The following OTOA variants were observed in gnomAD, a reference collection of about 807,000 sequenced individuals.
The protein encoded by OTOA is cancer/testis antigen 108.
In OTOA, 70 loss-of-function variants were observed where a neutral mutation model predicts 110.8. The observed-to-expected ratio is 0.63, with a 90% CI of 0.52 to 0.77. OTOA has a LOEUF of 0.77. Ranked by LOEUF, OTOA falls within the 30% of genes least tolerant of loss-of-function variation. OTOA has a pLI of 0.00. For synonymous variants in OTOA, 373 were observed against 431.5 expected (o/e 0.86, Z 1.68); for missense variants, 917 against 1,075.8 (o/e 0.85, Z 2.06).
intron 8 of OTOA, among the ~76,000 whole-genome samples, chr16:21,687,939 C>T (rs1707732815): frequency 6.6e-6 from 1 of 151,774 alleles, no homozygotes; most frequent in Admixed American, 6.6e-5. Context: ...GCTTGGATTA[C>T]GGGCATGAGC....
At chr16:21,723,973 G>A (rs181865027) in intron 18 of OTOA, among the ~76,000 whole-genome samples, 1 of 152,238 alleles carries the variant, frequency 6.6e-6, no homozygotes, top group Admixed American at 6.5e-5. Context: ...GGGTAACTTT[G>A]ACTGACTTCA....
chr16:21,728,572 T>C (rs1251789967), intron 20 of OTOA, 141 bp downstream of exon 20: 1 of 1,103,614 alleles, frequency 9.1e-7, no homozygotes, highest in African/African-American at 1.6e-5. Flanking sequence ...AAATGTGACC[T>C]TTCTTCTTTT....
At chr16:21,758,327 C>T (rs958153168) in intron 28 of OTOA, among the ~76,000 whole-genome samples, 15 of 150,168 alleles carry the variant, frequency 1.0e-4, no homozygotes, top group African/African-American at 2.7e-4. Flanking sequence ...TGCAGCCTGG[C>T]GGGGAGGGAA....
intron 17 of OTOA, among the ~76,000 whole-genome samples, chr16:21,722,289 T>C (rs1898778083): frequency 6.7e-6 from 1 of 148,886 alleles, no homozygotes; most frequent in Admixed American, 6.7e-5. Flanking sequence ...AAAACACAAG[T>C]GAGCTCATAC....
chr16:21,723,532 T>A (rs531786604), intron 18 of OTOA, among the ~76,000 whole-genome samples: 4 of 152,308 alleles, frequency 2.6e-5, no homozygotes, highest in Non-Finnish European at 5.9e-5. Context: ...AAATTCCTAT[T>A]AATTTATAAG....
In OTOA at chr16:21,719,206, C is replaced by T. The variant is rs200273668; in HGVS notation, c.1688+15C>T. On this transcript the variant is annotated intron_variant, in intron 16 of 28. Transcript: ENST00000646100. ...GAGCTTTTGAGGTAGGAAAATGTAACTCGGCCTGGGTGCTGAACAGGCCTT... is the reference window on the plus strand; with the variant it reads ...GAGCTTTTGAGGTAGGAAAATGTAATTCGGCCTGGGTGCTGAACAGGCCTT... The T allele has an allele frequency of 2.1e-4, 343 of 1,614,084 alleles. 1 individual carries two copies. Among genetic ancestry groups the T allele is most frequent in the African/African-American group, 2.9e-4 (22 of 75,052 alleles).
intron 11 of OTOA, 160 bp downstream of exon 11, chr16:21,701,187 C>T (rs117948029): frequency 1.9e-6 from 2 of 1,078,922 alleles, no homozygotes; most frequent in East Asian, 5.1e-5. Flanking sequence ...GAGGTGTCTG[C>T]AACTTTTTTT....
intron 2 of OTOA, 94 bp from the exon 3 acceptor site, chr16:21,678,821 A>G (rs1025364854): frequency 6.8e-7 from 1 of 1,471,334 alleles, no homozygotes; most frequent in Non-Finnish European, 9.4e-7. Context: ...TTCCTTCATG[A>G]GTGGCTTTCT....
Position 21,715,091 on chromosome 16 carries a change from G to A in OTOA, c.1427G>A (p.Ser476Asn), listed in dbSNP as rs1284131666. 6.2e-7 allele frequency: 1 copy of A among 1,614,228 alleles called. No homozygotes were observed. Among genetic ancestry groups the A allele is most frequent in the East Asian group, 2.2e-5 (1 of 44,890 alleles). The change falls in exon 14 of 29, where the codon AGT becomes AAT. Residue 476 changes from serine (S) to asparagine (N), a missense_variant. By Grantham distance (46) the Ser-to-Asn change is conservative. Around this residue, in one of 6 missense-constraint regions of OTOA, gnomAD observed 840 missense variants for 910.2 expected, o/e 0.92. Coordinates refer to ENST00000646100, the MANE Select transcript of OTOA (RefSeq NM_144672.4). ...AAGGACATCTCGCAGGTCCTGAGAA[G>A]TGCCGTCTCCCAGTATGTATCCGAC... is the stretch of plus-strand genomic sequence containing the variant. ...KRKDISQVLRSAVSQYVSDLS... is the reference protein window; with the variant it reads ...KRKDISQVLRNAVSQYVSDLS...
At chr16:21,670,048 C>A (rs1360493565) in intron 1 of OTOA, among the ~76,000 whole-genome samples, 1 of 152,010 alleles carries the variant, frequency 6.6e-6, no homozygotes, top group African/African-American at 2.4e-5. Flanking sequence ...ATCACTTGAG[C>A]CGGGGAGGCA....
At chr16:21,738,660 TC>T (rs1899426366) in intron 22 of OTOA, among the ~76,000 whole-genome samples, 1 of 151,256 alleles carries the variant, frequency 6.6e-6, no homozygotes, top group African/African-American at 2.4e-5. Flanking sequence ...GCTCTTCTGC[TC>T]CTCTTCTCTT....
intron 6 of OTOA, among the ~76,000 whole-genome samples, chr16:21,684,884 TG>T (rs1897679224): frequency 6.6e-6 from 1 of 151,862 alleles, no homozygotes; most frequent in South Asian, 2.1e-4. Context: ...CCCAAGTAGC[TG>T]GGACTACAGG....
intron 19 of OTOA, among the ~76,000 whole-genome samples, chr16:21,727,947 C>A (rs577534492): frequency 6.6e-6 from 1 of 151,674 alleles, no homozygotes. Flanking sequence ...TCACTGCGAC[C>A]TCTGCCTCCC....
Position 21,699,740 on chromosome 16 carries a change from G to A in OTOA, c.841-1148G>A, listed in dbSNP as rs907926046. 4.6e-5 allele frequency among the ~76,000 whole-genome samples: 7 copies of A among 152,098 alleles called. No homozygotes were observed. The South Asian group carries it at 1.5e-3, about 32-fold the overall frequency. On this transcript the variant is annotated intron_variant, in intron 10 of 28. Transcript: ENST00000646100. ...TCAAGACCAGCCTGGCCAACATGGC[G>A]AAACCCCGTCTCTACTAAAAATACA...
chr16:21,757,976 G>A (rs1432480477), intron 28 of OTOA, among the ~76,000 whole-genome samples: 1 of 152,012 alleles, frequency 6.6e-6, no homozygotes, highest in African/African-American at 2.4e-5. Flanking sequence ...TTCCAAGTCC[G>A]CAGTAGGGGC....
intron 7 of OTOA, among the ~76,000 whole-genome samples, 166 bp downstream of exon 7, chr16:21,685,527 C>T (rs1897697795): frequency 6.6e-6 from 1 of 152,144 alleles, no homozygotes; most frequent in African/African-American, 2.4e-5. Flanking sequence ...AGTTTTCTCA[C>T]TTACTTTCTC....
chr16:21,706,991 G>A (rs1898187797), intron 12 of OTOA, among the ~76,000 whole-genome samples: 1 of 151,774 alleles, frequency 6.6e-6, no homozygotes, highest in South Asian at 2.1e-4. Context: ...AGCCTCTGGA[G>A]TAGCTGGGAC....
chr16:21,691,719 T>C (rs1328061802), intron 9 of OTOA, 32 bp downstream of exon 9: 1 of 1,550,338 alleles, frequency 6.5e-7, no homozygotes. Flanking sequence ...GGGTCACTTT[T>C]TGGGGGAAGA....
intron 9 of OTOA, among the ~76,000 whole-genome samples, chr16:21,693,332 TACAA>T (rs1393468799): frequency 1.9e-4 from 29 of 152,160 alleles, no homozygotes; most frequent in African/African-American, 6.3e-4. Context: ...AGATTAGCAA[TACAA>T]ACAATTTCTC....
Sources: allele counts gnomAD v4.1 joint callset (sites outside exome capture counted in the v4.1 genomes callset), GRCh38; gene constraint gnomAD v4.1.1; regional missense constraint gnomAD v4.1.1; transcripts MANE v1.5; gene names NCBI Gene and HGNC (gene_info 2026-07-23, HGNC 2026-07-21).